Variants in NPFFR2 observed in about 807,000 individuals in gnomAD.
NPFFR2 encodes neuropeptide FF receptor 2, also known as G-protein coupled receptor 74.
In NPFFR2, 15 loss-of-function variants were observed where a neutral mutation model predicts 13.1. The ratio of observed to expected loss-of-function variants is 1.15; its 90% CI spans 0.77 to 1.76. The LOEUF (loss-of-function observed/expected upper bound fraction) is 1.76, where lower values mean the gene tolerates loss of function less well. NPFFR2 is among the 40% of genes most tolerant of loss of function. The pLI, the probability that NPFFR2 is intolerant of heterozygous loss-of-function variation, is 0.00. For synonymous variants in NPFFR2, 190 were observed against 175.7 expected (o/e 1.08, Z -0.65); for missense variants, 572 against 503.5 (o/e 1.14, Z -1.30).
At chr4:72,118,765 A>G (rs960353638) in intron 1 of NPFFR2, among the ~76,000 whole-genome samples, 5 of 152,206 alleles carry the variant, frequency 3.3e-5, no homozygotes, top group Non-Finnish European at 5.9e-5. Flanking sequence ...GCTTTTAGGT[A>G]CTGAGAATTC....
chr4:72,043,965 CGTGTAATGAAGGAGAT>C (rs1719305841), intron 1 of NPFFR2, among the ~76,000 whole-genome samples: 1 of 152,076 alleles, frequency 6.6e-6, no homozygotes, highest in African/African-American at 2.4e-5. Flanking sequence ...AAAATCCCCA[CGTGTAATGAAGGAGAT>C]GTGGTGGGAA....
At chr4:72,120,057 G>A (rs531319572) in intron 1 of NPFFR2, among the ~76,000 whole-genome samples, 1 of 152,284 alleles carries the variant, frequency 6.6e-6, no homozygotes, top group East Asian at 1.9e-4. Context: ...CAGCACAGCA[G>A]TCTGAAGTAG....
At chr4:72,128,350 T>C (rs1185852517) in intron 1 of NPFFR2, among the ~76,000 whole-genome samples, 1 of 152,168 alleles carries the variant, frequency 6.6e-6, no homozygotes, top group East Asian at 1.9e-4. Flanking sequence ...AAATAAAATA[T>C]AATAATAACC....
At chr4:72,073,925 A>G (rs764118799) in intron 1 of NPFFR2, among the ~76,000 whole-genome samples, 5 of 150,058 alleles carry the variant, frequency 3.3e-5, no homozygotes, top group African/African-American at 4.9e-5. Context: ...CTACAAAAAA[A>G]TTAGCTAAAC....
intron 3 of NPFFR2, 78 bp from the exon 4 acceptor site, chr4:72,146,900 C>G: frequency 8.3e-6 from 8 of 959,468 alleles, no homozygotes; most frequent in Non-Finnish European, 1.3e-5. Context: ...AGGCCTGTAA[C>G]TACATAAATA....
At chr4:72,032,885 A>G (rs891261282) in intron 1 of NPFFR2, among the ~76,000 whole-genome samples, 5 of 152,246 alleles carry the variant, frequency 3.3e-5, no homozygotes, top group African/African-American at 4.8e-5. Flanking sequence ...CTAACTAAAA[A>G]CCAAAAATAC....
intron 1 of NPFFR2, among the ~76,000 whole-genome samples, chr4:72,059,338 C>CA (rs1317180103): frequency 6.6e-6 from 1 of 151,982 alleles, no homozygotes; most frequent in Non-Finnish European, 1.5e-5. Flanking sequence ...ACACTGAAAA[C>CA]AAAAAACTGG....
chr4:72,076,585 G>GA (rs1560403692), intron 1 of NPFFR2, among the ~76,000 whole-genome samples: 1 of 152,140 alleles, frequency 6.6e-6, no homozygotes. Flanking sequence ...AGATTCAGTG[G>GA]AAAATAGAGG....
At chr4:72,136,166 G>A (rs1722403845) in intron 2 of NPFFR2, among the ~76,000 whole-genome samples, 1 of 152,038 alleles carries the variant, frequency 6.6e-6, no homozygotes, top group Non-Finnish European at 1.5e-5. Context: ...AACCAGCCTA[G>A]GCAACATAAT....
At chr4:72,131,725 A>G (rs1722248817) in intron 2 of NPFFR2, among the ~76,000 whole-genome samples, 1 of 152,218 alleles carries the variant, frequency 6.6e-6, no homozygotes, top group African/African-American at 2.4e-5. Context: ...TGATTTTACT[A>G]AAAGATTATA....
intron 1 of NPFFR2, among the ~76,000 whole-genome samples, chr4:72,125,842 C>A (rs1403171998): frequency 6.6e-6 from 1 of 152,128 alleles, no homozygotes; most frequent in Non-Finnish European, 1.5e-5. Flanking sequence ...TAACTAGCAA[C>A]CTTAATTCCC....
At chr4:72,144,811 A>C (rs1055310583) in intron 3 of NPFFR2, among the ~76,000 whole-genome samples, 2 of 152,176 alleles carry the variant, frequency 1.3e-5, no homozygotes, top group African/African-American at 4.8e-5. Context: ...TCTTTCTGTC[A>C]ACTTTGCTGG....
intron 1 of NPFFR2, among the ~76,000 whole-genome samples, chr4:72,061,411 A>G (rs1262607525): frequency 1.3e-5 from 2 of 152,156 alleles, no homozygotes; most frequent in African/African-American, 2.4e-5. Flanking sequence ...ACAAACTGAC[A>G]TAGTGGTTAA....
intron 1 of NPFFR2, among the ~76,000 whole-genome samples, chr4:72,036,102 G>A (rs542327057): frequency 2.6e-5 from 4 of 152,204 alleles, no homozygotes; most frequent in South Asian, 2.1e-4. Flanking sequence ...GCAACCATAC[G>A]CATTATCTCA....
chr4:72,132,312 C>T (rs886299954), intron 2 of NPFFR2, among the ~76,000 whole-genome samples: 5 of 152,162 alleles, frequency 3.3e-5, no homozygotes, highest in African/African-American at 7.2e-5. Flanking sequence ...ATCCATGTTC[C>T]GTCAAAGGAC....
At chr4:72,072,176 T>C (rs1720276433) in intron 1 of NPFFR2, among the ~76,000 whole-genome samples, 1 of 152,072 alleles carries the variant, frequency 6.6e-6, no homozygotes, top group Non-Finnish European at 1.5e-5. Flanking sequence ...TCATAAAGCA[T>C]ATTTACAAAC....
chr4:72,084,175 C>T (rs1319943440), intron 1 of NPFFR2, among the ~76,000 whole-genome samples: 1 of 152,136 alleles, frequency 6.6e-6, no homozygotes, highest in African/African-American at 2.4e-5. Flanking sequence ...AAATGTAAAG[C>T]AGGTAATTTT....
intron 1 of NPFFR2, among the ~76,000 whole-genome samples, chr4:72,040,306 A>G (rs1482096973): frequency 2.6e-5 from 4 of 152,148 alleles, no homozygotes; most frequent in Non-Finnish European, 4.4e-5. Flanking sequence ...ATGGGTTTTT[A>G]ATTCAAGTGG....
intron 1 of NPFFR2, among the ~76,000 whole-genome samples, chr4:72,114,900 G>A (rs1238294403): frequency 6.6e-6 from 1 of 152,066 alleles, no homozygotes; most frequent in Non-Finnish European, 1.5e-5. Context: ...TGATGACCTT[G>A]TGCCAGTTAC....
Sources: allele counts gnomAD v4.1 joint callset (sites outside exome capture counted in the v4.1 genomes callset), GRCh38; gene constraint gnomAD v4.1.1; transcripts MANE v1.5; gene names NCBI Gene and HGNC (gene_info 2026-07-23, HGNC 2026-07-21).